Variants in GNAQ observed in about 807,000 individuals in gnomAD.
GNAQ encodes the protein G protein subunit alpha q.
In GNAQ, 8 loss-of-function variants were observed where a neutral mutation model predicts 43.9. The observed-to-expected ratio is 0.18, with a 90% CI of 0.11 to 0.33. The LOEUF (loss-of-function observed/expected upper bound fraction) is 0.33. Among genes scored for constraint, GNAQ ranks in the 10% least tolerant of loss-of-function variants. The pLI is 1.00. For missense variants in GNAQ, 158 were observed against 450.8 expected (o/e 0.35, Z 5.88); for synonymous variants, 155 against 170.7 (o/e 0.91, Z 0.71).
At chr9:77,975,808 T>C (rs1823294514) in intron 1 of GNAQ, among the ~76,000 whole-genome samples, 1 of 152,134 alleles carries the variant, frequency 6.6e-6, no homozygotes, top group African/African-American at 2.4e-5. Context: ...AGTGCTGGGA[T>C]TACAGGCGTG....
At chr9:77,976,027 A>G (rs1208645484) in intron 1 of GNAQ, among the ~76,000 whole-genome samples, 2 of 152,204 alleles carry the variant, frequency 1.3e-5, no homozygotes, top group Admixed American at 1.3e-4. Flanking sequence ...GGTATAACTG[A>G]TAAGGCTTCT....
At chr9:77,885,537 A>G (rs1828288033) in intron 2 of GNAQ, among the ~76,000 whole-genome samples, 1 of 152,224 alleles carries the variant, frequency 6.6e-6, no homozygotes, top group Admixed American at 6.5e-5. Flanking sequence ...GGAGAAAAGT[A>G]TAAATTAGAT....
chr9:78,029,959 A>G (rs1587469405), intron 1 of GNAQ, among the ~76,000 whole-genome samples: 1 of 152,188 alleles, frequency 6.6e-6, no homozygotes, highest in Admixed American at 6.5e-5. Flanking sequence ...TGTGGCTTGT[A>G]TATGAACCCT....
chr9:77,813,908 G>A (rs1483523871), intron 3 of GNAQ, among the ~76,000 whole-genome samples: 2 of 152,122 alleles, frequency 1.3e-5, no homozygotes, highest in Non-Finnish European at 1.5e-5. Context: ...TATAATGGAG[G>A]ATGAGTTAGT....
At chr9:77,735,435 C>A (rs1231258136) in intron 5 of GNAQ, among the ~76,000 whole-genome samples, 1 of 152,146 alleles carries the variant, frequency 6.6e-6, no homozygotes, top group African/African-American at 2.4e-5. Context: ...AGGTATTTAT[C>A]TCATTTGTCT....
chr9:77,771,639 AG>A (rs940914613), intron 5 of GNAQ, among the ~76,000 whole-genome samples: 146 of 152,290 alleles, frequency 9.6e-4, no homozygotes, highest in African/African-American at 3.4e-3. Flanking sequence ...CAGAATCTGC[AG>A]GTCCCAGTGC....
intron 5 of GNAQ, among the ~76,000 whole-genome samples, chr9:77,736,811 G>A (rs1222812528): frequency 6.6e-6 from 1 of 152,082 alleles, no homozygotes; most frequent in African/African-American, 2.4e-5. Flanking sequence ...CGATGTGGAA[G>A]CCCACAGTCC....
chr9:77,924,981 T>G (rs1352625243), intron 1 of GNAQ, among the ~76,000 whole-genome samples: 1 of 151,558 alleles, frequency 6.6e-6, no homozygotes, highest in Non-Finnish European at 1.5e-5. Flanking sequence ...GCATTTATTC[T>G]CCTAGCTTCC....
At chr9:77,857,478 A>G (rs1827773433) in intron 2 of GNAQ, among the ~76,000 whole-genome samples, 1 of 146,544 alleles carries the variant, frequency 6.8e-6, no homozygotes, top group Non-Finnish European at 1.5e-5. Flanking sequence ...AAGGAAGGGA[A>G]AGAGAGGAAG....
At chr9:77,781,289 A>G (rs1169424106) in intron 5 of GNAQ, among the ~76,000 whole-genome samples, 2 of 149,818 alleles carry the variant, frequency 1.3e-5, no homozygotes, top group Admixed American at 1.4e-4. Context: ...GTGGGGGTCT[A>G]GTTTCATTCT....
chr9:77,912,497 ATTACT>A (rs1224908411), intron 2 of GNAQ, among the ~76,000 whole-genome samples: 1 of 152,198 alleles, frequency 6.6e-6, no homozygotes, highest in Non-Finnish European at 1.5e-5. Flanking sequence ...GTAGGCAAAG[ATTACT>A]TTAAAAGGAC....
intron 2 of GNAQ, among the ~76,000 whole-genome samples, chr9:77,908,181 C>T (rs17724988): frequency 0.034 from 5,207 of 152,208 alleles, 114 homozygotes; most frequent in Non-Finnish European, 0.054. Flanking sequence ...TTTCGTTATT[C>T]GACTATCTGC....
intron 2 of GNAQ, among the ~76,000 whole-genome samples, chr9:77,865,491 A>G (rs755611997): frequency 1.3e-5 from 2 of 152,218 alleles, no homozygotes; most frequent in South Asian, 2.1e-4. Context: ...CCAATTAAAC[A>G]TTGTAAATAC....
chr9:77,958,296 TG>T (rs1823066674), intron 1 of GNAQ, among the ~76,000 whole-genome samples: 2 of 152,132 alleles, frequency 1.3e-5, no homozygotes, highest in African/African-American at 4.8e-5. Flanking sequence ...TGATCAGTTA[TG>T]GGCTGTGTCT....
intron 2 of GNAQ, among the ~76,000 whole-genome samples, chr9:77,819,029 A>AAAAAAAAAAAAAAAAAAAAAAAAAAAAAG (rs1564120114): frequency 8.4e-6 from 1 of 119,184 alleles, no homozygotes; most frequent in African/African-American, 2.8e-5. Context: ...AAAAAAAAAA[A>AAAAAAAAAAAAAAAAAAAAAAAAAAAAAG]CACCCAAAAA....
intron 1 of GNAQ, among the ~76,000 whole-genome samples, chr9:78,014,180 G>A (rs1255573581): frequency 6.6e-6 from 1 of 152,084 alleles, no homozygotes; most frequent in African/African-American, 2.4e-5. Context: ...TAATGGAGGA[G>A]GAATAGGGGT....
chr9:77,775,825 T>C (rs1324653811), intron 5 of GNAQ, among the ~76,000 whole-genome samples: 1 of 152,142 alleles, frequency 6.6e-6, no homozygotes, highest in Non-Finnish European at 1.5e-5. Context: ...CTTGGGGCGC[T>C]GAGGCACAAG....
At chr9:77,816,652 G>A (rs1359263846) in intron 2 of GNAQ, among the ~76,000 whole-genome samples, 1 of 151,914 alleles carries the variant, frequency 6.6e-6, no homozygotes, top group Non-Finnish European at 1.5e-5. Context: ...ACATAAATAT[G>A]CAACTAAGCA....
At chr9:77,952,524 A>C (rs1410367012) in intron 1 of GNAQ, among the ~76,000 whole-genome samples, 1 of 152,198 alleles carries the variant, frequency 6.6e-6, no homozygotes, top group African/African-American at 2.4e-5. Context: ...CTTTATTCTT[A>C]AGTTTATTAC....
Sources: gnomAD v4.1 joint callset for allele counts (sites outside exome capture counted in the v4.1 genomes callset) on GRCh38, gnomAD v4.1.1 for gene constraint, MANE v1.5 for transcripts, NCBI Gene and HGNC (gene_info 2026-07-23, HGNC 2026-07-21) for gene names.